Variants in ADAMTS6 observed in about 807,000 individuals in gnomAD.
ADAMTS6 encodes the protein ADAM metallopeptidase with thrombospondin type 1 motif 6, also known as A disintegrin and metalloproteinase with thrombospondin motifs 6.
ADAMTS6 carries 23 observed loss-of-function variants against 144.3 expected under a neutral mutation model. The observed-to-expected ratio is 0.16, with a 90% CI of 0.11 to 0.23. The LOEUF (loss-of-function observed/expected upper bound fraction) is 0.23. Ranked by LOEUF, ADAMTS6 falls within the 10% of genes least tolerant of loss-of-function variation. The pLI is 1.00. For missense variants in ADAMTS6, 999 were observed against 1,379.6 expected (o/e 0.72, Z 4.37); for synonymous variants, 444 against 457.5 (o/e 0.97, Z 0.38).
At chr5:65,226,259 G>T in intron 15 of ADAMTS6, 40 bp from the exon 16 acceptor site, 2 of 1,601,044 alleles carry the variant, frequency 1.2e-6, no homozygotes, top group Non-Finnish European at 1.7e-6. Flanking sequence ...TGGAGTGGTT[G>T]TCCTAATGAA....
At chr5:65,421,359 A>T (rs940708535) in intron 7 of ADAMTS6, among the ~76,000 whole-genome samples, 1 of 152,180 alleles carries the variant, frequency 6.6e-6, no homozygotes, top group African/African-American at 2.4e-5. Flanking sequence ...TTCATGGCTG[A>T]CAGTTACTCT....
At chr5:65,163,982 A>G (rs992089703) in intron 24 of ADAMTS6, among the ~76,000 whole-genome samples, 5 of 152,244 alleles carry the variant, frequency 3.3e-5, no homozygotes, top group African/African-American at 1.2e-4. Flanking sequence ...TCTGCTGTTA[A>G]TAAAGGGATT....
intron 11 of ADAMTS6, among the ~76,000 whole-genome samples, chr5:65,285,765 TTAAG>T (rs1383807457): frequency 6.6e-6 from 1 of 152,154 alleles, no homozygotes; most frequent in Non-Finnish European, 1.5e-5. Flanking sequence ...ATGTACAATA[TTAAG>T]TAATGTTGTT....
intron 7 of ADAMTS6, among the ~76,000 whole-genome samples, chr5:65,352,153 T>C (rs968744778): frequency 6.9e-6 from 1 of 144,416 alleles, no homozygotes; most frequent in Non-Finnish European, 1.6e-5. Context: ...CTACAAAGCA[T>C]AGATGCAAAG....
chr5:65,319,224 A>G (rs1302677752), intron 9 of ADAMTS6, among the ~76,000 whole-genome samples: 1 of 152,220 alleles, frequency 6.6e-6, no homozygotes, highest in African/African-American at 2.4e-5. Context: ...TAGAGGGCAT[A>G]CAAAGAAATT....
At chr5:65,425,026 T>C (rs1319135501) in intron 7 of ADAMTS6, among the ~76,000 whole-genome samples, 1 of 152,178 alleles carries the variant, frequency 6.6e-6, no homozygotes, top group Non-Finnish European at 1.5e-5. Context: ...GATGGAGTTT[T>C]GCTCTGGTCG....
At chr5:65,396,580 G>A (rs1407578544) in intron 7 of ADAMTS6, among the ~76,000 whole-genome samples, 2 of 152,150 alleles carry the variant, frequency 1.3e-5, no homozygotes, top group African/African-American at 4.8e-5. Context: ...GAAGCAGAAA[G>A]CATCTTATCG....
intron 10 of ADAMTS6, among the ~76,000 whole-genome samples, chr5:65,293,555 C>A (rs887470685): frequency 6.8e-6 from 1 of 147,994 alleles, no homozygotes; most frequent in African/African-American, 2.5e-5. Flanking sequence ...GAATAGATAT[C>A]CTGAGGAAAA....
intron 22 of ADAMTS6, among the ~76,000 whole-genome samples, chr5:65,175,381 ATATAC>A (rs1753909208): frequency 7.8e-6 from 1 of 128,236 alleles, no homozygotes; most frequent in Non-Finnish European, 1.7e-5. Flanking sequence ...AAAGAGAGAA[ATATAC>A]CAGAAGTTAA....
intron 24 of ADAMTS6, among the ~76,000 whole-genome samples, chr5:65,160,599 C>T (rs970762993): frequency 2.6e-5 from 4 of 151,878 alleles, no homozygotes; most frequent in Admixed American, 6.6e-5. Context: ...CCACCGCGCC[C>T]GGCCTCCAAC....
At chr5:65,260,237 G>A (rs1761059007) in intron 14 of ADAMTS6, among the ~76,000 whole-genome samples, 1 of 151,886 alleles carries the variant, frequency 6.6e-6, no homozygotes, top group Non-Finnish European at 1.5e-5. Flanking sequence ...GGAGTCTGGG[G>A]CTTCTTGCAG....
chr5:65,372,314 A>G lies in ADAMTS6; in HGVS notation c.1074-38229T>C, dbSNP rs555106549. On this transcript the variant is annotated intron_variant, in intron 7 of 24. Coordinates refer to ENST00000381055, the MANE Select transcript of ADAMTS6 (RefSeq NM_197941.4). Reference sequence around the variant, plus strand: ...CCAATTAAAAGACACAGACTGGCAAATTGGATAAAGAGTCAAGACCCATCA... The same window carrying G: ...CCAATTAAAAGACACAGACTGGCAAGTTGGATAAAGAGTCAAGACCCATCA... Among the ~76,000 whole-genome samples the G allele has an allele frequency of 4.0e-4, 61 of 151,978 alleles. No homozygotes were observed. In the East Asian group the frequency reaches 4.6e-3, roughly 12 times the overall value.
intron 7 of ADAMTS6, among the ~76,000 whole-genome samples, chr5:65,343,628 G>A (rs1748059272): frequency 1.3e-5 from 2 of 151,948 alleles, no homozygotes; most frequent in South Asian, 4.1e-4. Flanking sequence ...CAGGACATTG[G>A]TCTGAGAAAA....
chr5:65,461,031 C>T (rs786538), intron 3 of ADAMTS6, among the ~76,000 whole-genome samples: 1 of 152,154 alleles, frequency 6.6e-6, no homozygotes, highest in Non-Finnish European at 1.5e-5. Context: ...AAGTAACAGG[C>T]TCAGAGGACT....
At chr5:65,314,757 T>G (rs1744828418) in intron 9 of ADAMTS6, among the ~76,000 whole-genome samples, 1 of 152,138 alleles carries the variant, frequency 6.6e-6, no homozygotes, top group Non-Finnish European at 1.5e-5. Flanking sequence ...TTTCAAAGAT[T>G]AAAGAGAAAT....
intron 20 of ADAMTS6, chr5:65,209,780 C>T (rs1756369866): frequency 6.6e-6 from 1 of 152,146 alleles, no homozygotes; most frequent in South Asian, 2.1e-4. Context: ...TTCTCTTTGC[C>T]ACTTAAAAGA....
intron 13 of ADAMTS6, among the ~76,000 whole-genome samples, chr5:65,261,415 G>A (rs1761183289): frequency 6.6e-6 from 1 of 151,962 alleles, no homozygotes; most frequent in Admixed American, 6.6e-5. Flanking sequence ...TTTAAAAGAG[G>A]TCCAGTTTTT....
chr5:65,162,840 T>TG (rs1310943424), intron 24 of ADAMTS6, among the ~76,000 whole-genome samples: 1 of 152,166 alleles, frequency 6.6e-6, no homozygotes, highest in Admixed American at 6.5e-5. Context: ...TGTGATCTAT[T>TG]GCTAACTTAC....
At chr5:65,392,253 CT>C (rs946961093) in intron 7 of ADAMTS6, among the ~76,000 whole-genome samples, 10 of 150,628 alleles carry the variant, frequency 6.6e-5, no homozygotes, top group Non-Finnish European at 1.0e-4. Flanking sequence ...AAATAGTAGA[CT>C]TTTTTTCCTT....
Sources: gnomAD v4.1 joint callset for allele counts (sites outside exome capture counted in the v4.1 genomes callset) on GRCh38, gnomAD v4.1.1 for gene constraint, MANE v1.5 for transcripts, NCBI Gene and HGNC (gene_info 2026-07-23, HGNC 2026-07-21) for gene names.